HS1BP3: variants seen among roughly 807,000 people sequenced by gnomAD.
The protein encoded by HS1BP3 is HCLS1-binding protein 3.
A neutral mutation model predicts 33.5 loss-of-function variants in HS1BP3; 32 were observed. The ratio of observed to expected loss-of-function variants is 0.95; its 90% CI spans 0.72 to 1.28. HS1BP3 has a LOEUF of 1.28. Ranked by LOEUF, HS1BP3 falls within the 50% of genes most tolerant of loss-of-function variation. HS1BP3 has a pLI of 0.00. For synonymous variants in HS1BP3, 187 were observed against 209.2 expected (o/e 0.89, Z 0.92); for missense variants, 486 against 502.3 (o/e 0.97, Z 0.31).
At chr2:20,638,737 C>G in intron 3 of HS1BP3, 85 bp from the exon 4 acceptor site, 1 of 1,099,784 alleles carries the variant, frequency 9.1e-7, no homozygotes, top group Non-Finnish European at 1.3e-6. Flanking sequence ...CCTCCCATGC[C>G]AGGATCTGAG....
intron 2 of HS1BP3, among the ~76,000 whole-genome samples, chr2:20,600,826 A>T (rs1029813180): frequency 4.4e-4 from 66 of 151,262 alleles, no homozygotes; most frequent in African/African-American, 1.6e-3. Flanking sequence ...GTATTTTTAT[A>T]AAAAAATATA....
chr2:20,645,377 G>T lies in HS1BP3; in HGVS notation c.161C>A (p.Ser54Ter). The change falls in exon 2 of 7, where the codon TCG becomes TAG. Residue 54 changes from serine (S) to a stop codon, truncating the protein, a stop_gained. Coordinates refer to ENST00000304031, the MANE Select transcript of HS1BP3 (RefSeq NM_022460.4). LOFTEE classifies it high-confidence loss of function. Reference protein sequence around the residue: ...LVVTRLAAFKSAKHRPEDVVQ... With the variant: ...LVVTRLAAFK ...GACATCCTCGGGCCTGTGCTTGGCC[G>T]ACTTGAACGCAGCCAGACGGGTCAC... is the stretch of plus-strand genomic sequence containing the variant. 6.2e-7 allele frequency: 1 copy of T among 1,614,000 alleles called. No individual in the cohort carries two copies.
At chr2:20,605,511 T>A (rs569162173) in intron 2 of HS1BP3, among the ~76,000 whole-genome samples, 1 of 152,350 alleles carries the variant, frequency 6.6e-6, no homozygotes, top group South Asian at 2.1e-4. Flanking sequence ...TTAGTATATT[T>A]ACAAAGCTGT....
At chr2:20,638,735 G>T in intron 3 of HS1BP3, 83 bp from the exon 4 acceptor site, 1 of 1,099,716 alleles carries the variant, frequency 9.1e-7, no homozygotes, top group Non-Finnish European at 1.3e-6. Context: ...ACCCTCCCAT[G>T]CCAGGATCTG....
At position 20,619,187 on chromosome 2, in the gene HS1BP3, G is replaced by A. The variant is rs764489015; in HGVS notation, c.979C>T (p.Gln327Ter). Residue 327 changes from glutamine to a stop codon, truncating the protein, a stop_gained, in exon 7 of 7, where the codon CAG (glutamine) becomes TAG (stop). Coordinates refer to ENST00000304031, the MANE Select transcript of HS1BP3 (RefSeq NM_022460.4). LOFTEE classifies it low-confidence loss of function (END_TRUNC). ...NLGAEPKPKPQLKPKPPVAAK... is the reference protein window; with the variant it reads ...NLGAEPKPKP ...GCCACTGGTGGCTTGGGCTTAAGCT[G>A]GGGCTTGGGTTTGGGCTCAGCTCCC... 5 of 1,613,894 alleles carry A rather than the reference G, an allele frequency of 3.1e-6. No individual in the cohort carries two copies. The highest frequency in any genetic ancestry group is 4.2e-6 in the Non-Finnish European group (5 of 1,179,930).
downstream of HS1BP3, among the ~76,000 whole-genome samples, chr2:20,588,471 A>G (rs1344185748): frequency 3.3e-5 from 5 of 151,828 alleles, no homozygotes; most frequent in Admixed American, 3.3e-4. Flanking sequence ...ACCAGCCACC[A>G]CGCCTGGCTA....
At chr2:20,559,211 G>C (rs112367597), downstream of HS1BP3, among the ~76,000 whole-genome samples, 19 of 152,336 alleles carry the variant, frequency 1.2e-4, no homozygotes, top group African/African-American at 4.6e-4. Context: ...CTCAGGGCCA[G>C]CTCAAAAACC....
chr2:20,632,623 G>A (rs1039743308), intron 4 of HS1BP3, among the ~76,000 whole-genome samples: 2 of 152,228 alleles, frequency 1.3e-5, no homozygotes, highest in Admixed American at 1.3e-4. Flanking sequence ...TAAGAGTGTT[G>A]TTACTTGCCA....
intron 5 of HS1BP3, among the ~76,000 whole-genome samples, chr2:20,562,499 A>T (rs1410195804): frequency 6.6e-6 from 1 of 152,216 alleles, no homozygotes; most frequent in Non-Finnish European, 1.5e-5. Flanking sequence ...AAATAAAATA[A>T]AAGTAAAATA....
At chr2:20,603,029 T>A (rs1694103338) in intron 2 of HS1BP3, among the ~76,000 whole-genome samples, 1 of 152,234 alleles carries the variant, frequency 6.6e-6, no homozygotes, top group Non-Finnish European at 1.5e-5. Flanking sequence ...CCATGAGCTG[T>A]CACTTCACAT....
chr2:20,586,169 G>A (rs1211896426), intron 5 of HS1BP3: 1 of 152,274 alleles, frequency 6.6e-6, no homozygotes, highest in Non-Finnish European at 1.5e-5. Context: ...CAGGAGCCGG[G>A]ACCGTCCTGC....
At chr2:20,627,079 C>T (rs1338539835) in intron 4 of HS1BP3, among the ~76,000 whole-genome samples, 1 of 152,236 alleles carries the variant, frequency 6.6e-6, no homozygotes, top group Non-Finnish European at 1.5e-5. Context: ...GGCTCGCAGC[C>T]ACTGTTCTGC....
intron 5 of HS1BP3, among the ~76,000 whole-genome samples, chr2:20,561,224 G>A (rs113168756): frequency 0.026 from 3,960 of 152,206 alleles, 186 homozygotes; most frequent in African/African-American, 0.09. Context: ...TGGTGCCCTC[G>A]CTGTCCTGCA....
chr2:20,634,083 A>G (rs1185762235), intron 4 of HS1BP3, among the ~76,000 whole-genome samples: 3 of 152,240 alleles, frequency 2.0e-5, no homozygotes, highest in African/African-American at 7.2e-5. Context: ...CTCGTCCAGC[A>G]GGTGGGTCAG....
intron 5 of HS1BP3, among the ~76,000 whole-genome samples, chr2:20,580,619 G>C (rs1693510960): frequency 6.6e-6 from 1 of 152,092 alleles, no homozygotes; most frequent in Admixed American, 6.5e-5. Flanking sequence ...TCACAGAAAG[G>C]GAAATCTAAA....
chr2:20,573,316 C>A (rs889169325), intron 5 of HS1BP3, among the ~76,000 whole-genome samples: 7 of 152,084 alleles, frequency 4.6e-5, no homozygotes, highest in African/African-American at 1.7e-4. Flanking sequence ...GAACTTCAGG[C>A]CTCTGGAACT....
downstream of HS1BP3, among the ~76,000 whole-genome samples, chr2:20,556,608 G>T (rs1011366290): frequency 2.0e-5 from 3 of 152,230 alleles, no homozygotes; most frequent in East Asian, 3.9e-4. Context: ...ACAGTACCAG[G>T]TTGGCCCCTC....
Position 20,603,362 on chromosome 2 carries a change from C to T in HS1BP3, c.179-5097G>A, listed in dbSNP as rs77651012. On this transcript the variant is annotated intron_variant, in intron 2 of 3. Transcript: ENST00000415264. ...AACTAATGAATGGATAAACAAAATG[C>T]GGTAAAGCTATGCAAAGAATTGTTA... Among the ~76,000 whole-genome samples, 371 of 152,210 alleles carry T rather than the reference C, an allele frequency of 2.4e-3. 10 individuals are homozygous for T. In the East Asian group the frequency reaches 0.053, roughly 22 times the overall value.
At chr2:20,650,434 G>A (rs534254248) in intron 1 of HS1BP3, among the ~76,000 whole-genome samples, 1 of 152,314 alleles carries the variant, frequency 6.6e-6, no homozygotes, top group South Asian at 2.1e-4. Flanking sequence ...CCCCTCCAAG[G>A]CTTTTGCTGT....
Sources: gnomAD v4.1 joint callset for allele counts (sites outside exome capture counted in the v4.1 genomes callset) on GRCh38, gnomAD v4.1.1 for gene constraint, MANE v1.5 for transcripts, NCBI Gene and HGNC (gene_info 2026-07-23, HGNC 2026-07-21) for gene names.